Variants in CEP135 observed in about 807,000 individuals in gnomAD.
The protein encoded by CEP135 is centrosomal protein 135.
CEP135 carries 142 observed loss-of-function variants against 157.3 expected under a neutral mutation model. That is an observed-to-expected ratio of 0.90 (90% confidence interval 0.79 to 1.04). The LOEUF is 1.04. CEP135 is among the 50% of genes least tolerant of loss of function. The probability of loss-of-function intolerance (pLI) is 0.00; values close to 1 mark genes in which losing one functional copy is unlikely to be tolerated. For missense variants in CEP135, 1,317 were observed against 1,309.2 expected, an observed-to-expected ratio of 1.01 and a Z score of -0.09; for synonymous variants, 396 against 439.8, an observed-to-expected ratio of 0.90 and a Z score of 1.25.
chr4:56,002,662 G>A (rs1730214852), intron 17 of CEP135, among the ~76,000 whole-genome samples: 1 of 152,046 alleles, frequency 6.6e-6, no homozygotes, highest in Admixed American at 6.5e-5. Context: ...GAGGATTTTT[G>A]CATATATTTG....
At chr4:55,958,260 C>A (rs370929097) in intron 5 of CEP135, among the ~76,000 whole-genome samples, 8 of 152,086 alleles carry the variant, frequency 5.3e-5, no homozygotes, top group African/African-American at 1.9e-4. Context: ...TATAGTGAGA[C>A]CTTTTCTCTA....
At chr4:55,996,603 C>G (rs1729977554) in intron 15 of CEP135, among the ~76,000 whole-genome samples, 1 of 152,132 alleles carries the variant, frequency 6.6e-6, no homozygotes, top group Admixed American at 6.5e-5. Context: ...TCTTTTCCCT[C>G]TCTGGCTGAT....
intron 21 of CEP135, among the ~76,000 whole-genome samples, chr4:56,016,968 C>G (rs1471640915): frequency 6.6e-6 from 1 of 152,068 alleles, no homozygotes; most frequent in African/African-American, 2.4e-5. Context: ...GCCACCCAGC[C>G]GTTTTAATAG....
At chr4:56,030,017 C>G (rs1053741145) in intron 25 of CEP135, among the ~76,000 whole-genome samples, 1 of 152,074 alleles carries the variant, frequency 6.6e-6, no homozygotes, top group Admixed American at 6.5e-5. Flanking sequence ...TAACTTTTTT[C>G]CTTTATAAAC....
At chr4:56,026,174 A>C (rs1731153724) in intron 25 of CEP135, among the ~76,000 whole-genome samples, 1 of 152,122 alleles carries the variant, frequency 6.6e-6, no homozygotes. Flanking sequence ...GCGCCACTGC[A>C]CTCCAGCTTG....
Position 55,964,274 on chromosome 4 carries a change from A to G in CEP135, c.700A>G (p.Ile234Val), listed in dbSNP as rs1298473884. 1.2e-6 allele frequency: 2 copies of G among 1,605,172 alleles called. No individual in the cohort carries two copies. Among genetic ancestry groups the G allele is most frequent in the African/African-American group, 2.7e-5 (2 of 74,360 alleles). ...AATGACAGCATGACTATATCTTCAG[A>G]TTGAGCTAAGAGAACGAGAGATAGA... ...ESGVRDYSKQIELREREIERL... is the reference protein window; with the variant it reads ...ESGVRDYSKQVELREREIERL... Residue 234 changes from isoleucine to valine, a missense_variant and splice_region_variant, in exon 7 of 26, where the codon ATT becomes GTT. By Grantham distance (29) the Ile-to-Val change is conservative. Transcript: ENST00000257287.
chr4:55,978,305 G>A (rs1289982382), intron 11 of CEP135, among the ~76,000 whole-genome samples: 1 of 152,132 alleles, frequency 6.6e-6, no homozygotes, highest in Non-Finnish European at 1.5e-5. Flanking sequence ...CACATTAAAT[G>A]CACAATCATG....
intron 24 of CEP135, among the ~76,000 whole-genome samples, chr4:56,022,060 G>A (rs41467652): frequency 0.062 from 9,418 of 152,146 alleles, 412 homozygotes; most frequent in African/African-American, 0.11. Flanking sequence ...AAAGTAAGCC[G>A]TAGGTAGCAG....
At chr4:55,971,203 C>G in intron 9 of CEP135, 67 bp from the exon 10 acceptor site, 1 of 1,233,118 alleles carries the variant, frequency 8.1e-7, no homozygotes, top group Middle Eastern at 2.8e-4. Flanking sequence ...TTATAAAAAT[C>G]TATCTTAAGT....
chr4:55,999,268 G>A (rs1330503106), intron 15 of CEP135, 34 bp from the exon 16 acceptor site: 1 of 1,458,392 alleles, frequency 6.9e-7, no homozygotes, highest in Admixed American at 1.9e-5. Flanking sequence ...GAGAGATAAA[G>A]AATACCATTT....
intron 15 of CEP135, among the ~76,000 whole-genome samples, chr4:55,994,708 C>T (rs753193206): frequency 1.4e-5 from 2 of 140,074 alleles, no homozygotes; most frequent in African/African-American, 5.4e-5. Context: ...TTTTTTGAGA[C>T]GGAGTCTTGC....
At chr4:55,951,969 AC>A in intron 1 of CEP135, 116 bp from the exon 2 acceptor site, 1 of 471,666 alleles carries the variant, frequency 2.1e-6, no homozygotes, top group Non-Finnish European at 3.9e-6. Flanking sequence ...CCAGAAGGCT[AC>A]CTACCTGAAG....
intron 17 of CEP135, among the ~76,000 whole-genome samples, chr4:56,005,974 C>G (rs1254722747): frequency 6.6e-6 from 1 of 152,024 alleles, no homozygotes; most frequent in Non-Finnish European, 1.5e-5. Context: ...ATTGGAGTTC[C>G]TTTATATGTT....
chr4:56,002,593 A>G lies in CEP135; in HGVS notation c.2280+2948A>G, dbSNP rs985821944. ...GGATGAATCCCACTTGATCATGGTG[A>G]ATGATCTTTGTAATTTATTTAAAAA... On this transcript the variant is annotated intron_variant, in intron 17 of 25. Coordinates refer to ENST00000257287, the MANE Select transcript of CEP135 (RefSeq NM_025009.5). Among the ~76,000 whole-genome samples, 8 of 152,186 alleles carry G rather than the reference A, an allele frequency of 5.3e-5. No individual in the cohort carries two copies. The South Asian group carries it at 1.0e-3, about 20-fold the overall frequency.
At chr4:56,029,623 C>G (rs997265385) in intron 25 of CEP135, among the ~76,000 whole-genome samples, 1 of 152,024 alleles carries the variant, frequency 6.6e-6, no homozygotes, top group Non-Finnish European at 1.5e-5. Context: ...TTACACAAAC[C>G]TAGATGGTAT....
chr4:56,033,022 A>G lies in CEP135; in HGVS notation c.*1674A>G, dbSNP rs1362540780. On this transcript the variant is annotated 3_prime_UTR_variant, in exon 26 of 26. Coordinates refer to ENST00000257287, the MANE Select transcript of CEP135 (RefSeq NM_025009.5). ...TATCCCATCTCCTTTGTGTGAATTC[A>G]TATATTATAGCAAAATACAAGAGAC... is the stretch of plus-strand genomic sequence containing the variant. The G allele has an allele frequency of 6.6e-6, 1 of 152,090 alleles. No homozygotes were observed. The highest frequency in any genetic ancestry group is 2.4e-5 in the African/African-American group (1 of 41,418). The allele number at this position is 152,090 out of a possible 1,614,324, so 9.4% of individuals were successfully genotyped here.
intron 15 of CEP135, among the ~76,000 whole-genome samples, chr4:55,995,352 G>T (rs753940763): frequency 6.6e-6 from 1 of 152,172 alleles, no homozygotes; most frequent in East Asian, 1.9e-4. Context: ...GCTTTCAGCA[G>T]CCTGAAGCCA....
chr4:56,030,257 T>G (rs1731296296), intron 25 of CEP135, among the ~76,000 whole-genome samples: 1 of 152,130 alleles, frequency 6.6e-6, no homozygotes, highest in Non-Finnish European at 1.5e-5. Flanking sequence ...TGCTTTATAG[T>G]CAACATTTAT....
chr4:56,007,995 G>A (rs1410794664), intron 17 of CEP135, among the ~76,000 whole-genome samples: 1 of 152,064 alleles, frequency 6.6e-6, no homozygotes, highest in Non-Finnish European at 1.5e-5. Flanking sequence ...CCATGTAGAA[G>A]TTTCTAAGAC....
Sources: allele counts gnomAD v4.1 joint callset (sites outside exome capture counted in the v4.1 genomes callset), GRCh38; gene constraint gnomAD v4.1.1; transcripts MANE v1.5; gene names NCBI Gene and HGNC (gene_info 2026-07-23, HGNC 2026-07-21).